ELAVL4: variants seen among roughly 807,000 people sequenced by gnomAD.
ELAVL4 encodes ELAV-like protein 4.
In ELAVL4, 1 loss-of-function variant was observed where a neutral mutation model predicts 35.6. The observed-to-expected ratio is 0.03, with a 90% CI of 0.01 to 0.13. The LOEUF is 0.13. Ranked by LOEUF, ELAVL4 falls within the 10% of genes least tolerant of loss-of-function variation. ELAVL4 has a pLI of 1.00. For synonymous variants in ELAVL4, 156 were observed against 171.0 expected (o/e 0.91, Z 0.69); for missense variants, 267 against 464.9 (o/e 0.57, Z 3.91).
intron 1 of ELAVL4, among the ~76,000 whole-genome samples, chr1:50,121,960 G>A (rs1669116926): frequency 6.6e-6 from 1 of 152,066 alleles, no homozygotes; most frequent in Non-Finnish European, 1.5e-5. Context: ...AATAAGATTA[G>A]TTTTCATTTC....
chr1:50,156,913 AG>A (rs1373638658), intron 2 of ELAVL4, among the ~76,000 whole-genome samples: 7 of 152,200 alleles, frequency 4.6e-5, no homozygotes, highest in African/African-American at 1.7e-4. Context: ...CACCAATTTC[AG>A]TGGTTCTGGA....
intron 1 of ELAVL4, among the ~76,000 whole-genome samples, chr1:50,140,317 A>G (rs1672609435): frequency 6.6e-6 from 1 of 152,242 alleles, no homozygotes; most frequent in African/African-American, 2.4e-5. Flanking sequence ...TGAGGAAGCA[A>G]GTGTTCTGAT....
chr1:50,131,669 A>C (rs1670877086), intron 1 of ELAVL4, among the ~76,000 whole-genome samples: 1 of 152,116 alleles, frequency 6.6e-6, no homozygotes, highest in East Asian at 1.9e-4. Context: ...GCATGCCTGT[A>C]GTCCCAGTTA....
At chr1:50,086,476 T>TTATATATATATATATATATATATA (rs35215248) in intron 1 of ELAVL4, among the ~76,000 whole-genome samples, 1 of 144,376 alleles carries the variant, frequency 6.9e-6, no homozygotes, top group African/African-American at 2.5e-5. Context: ...CATTCAGCTT[T>TTATATATATATATATATATATATA]TATATATATA....
At chr1:50,133,611 G>GAAAGAAAGA (rs1671294974) in intron 1 of ELAVL4, among the ~76,000 whole-genome samples, 1 of 131,490 alleles carries the variant, frequency 7.6e-6, no homozygotes, top group Admixed American at 7.5e-5. Flanking sequence ...AAGAAAGAAA[G>GAAAGAAAGA]AAAGAAAGAA....
intron 3 of ELAVL4, among the ~76,000 whole-genome samples, chr1:50,185,155 A>G (rs939776407): frequency 7.2e-5 from 11 of 152,166 alleles, no homozygotes; most frequent in African/African-American, 2.7e-4. Context: ...TCATTTCTCC[A>G]TGGTGCTCCT....
intron 2 of ELAVL4, among the ~76,000 whole-genome samples, chr1:50,170,277 A>G (rs1678757858): frequency 1.3e-5 from 2 of 152,316 alleles, no homozygotes; most frequent in Middle Eastern, 3.4e-3. Context: ...GAAAAAAGTA[A>G]TATTAGCCCC....
chr1:50,151,708 A>G (rs1674820480), intron 2 of ELAVL4, among the ~76,000 whole-genome samples: 1 of 152,236 alleles, frequency 6.6e-6, no homozygotes, highest in African/African-American at 2.4e-5. Flanking sequence ...AATGTGATGT[A>G]TCTCCTGATT....
upstream of ELAVL4, among the ~76,000 whole-genome samples, chr1:50,101,958 G>A (rs1231446027): frequency 1.3e-5 from 2 of 152,106 alleles, no homozygotes; most frequent in Non-Finnish European, 2.9e-5. Context: ...GTAGACTCCC[G>A]GTAAAATATA....
chr1:50,137,640 T>C (rs901523534), intron 1 of ELAVL4, among the ~76,000 whole-genome samples: 1 of 152,164 alleles, frequency 6.6e-6, no homozygotes, highest in Admixed American at 6.5e-5. Flanking sequence ...ACTTCAAAGA[T>C]TTTCCTAGTC....
chr1:50,156,875 C>A (rs1675859934), intron 2 of ELAVL4, among the ~76,000 whole-genome samples: 1 of 152,130 alleles, frequency 6.6e-6, no homozygotes, highest in Non-Finnish European at 1.5e-5. Flanking sequence ...TTCCAGTAAA[C>A]CTCAGGAATA....
At position 50,202,845 on chromosome 1, in the gene ELAVL4, T is replaced by C. The variant is rs977166055; in HGVS notation, c.*1667T>C. 6.6e-5 allele frequency: 10 copies of C among 152,180 alleles called. No homozygotes were observed. The highest frequency in any genetic ancestry group is 1.3e-4 in the Non-Finnish European group (9 of 68,022). 9.4% of individuals were successfully genotyped at this position (152,180 alleles called of 1,614,324 possible). A position where few individuals can be genotyped will look rare whatever the true frequency, so the allele number is the denominator to read the frequency against. ...ATTCTTTGATATATTGTCATGTTTG[T>C]TGTGAATATTTTTTCTTACTGCACA... On this transcript the variant is annotated 3_prime_UTR_variant, in exon 7 of 7. Transcript: ENST00000371824.
intron 2 of ELAVL4, among the ~76,000 whole-genome samples, 165 bp from the exon 3 acceptor site, chr1:50,176,924 G>A (rs530729001): frequency 6.6e-6 from 1 of 152,180 alleles, no homozygotes; most frequent in Non-Finnish European, 1.5e-5. Context: ...TCTCAATCTG[G>A]GGGTAAACCC....
intron 2 of ELAVL4, among the ~76,000 whole-genome samples, chr1:50,145,937 A>G (rs955952903): frequency 2.0e-5 from 3 of 152,186 alleles, no homozygotes; most frequent in African/African-American, 7.2e-5. Context: ...CACTGACACT[A>G]TAATTCTTTG....
intron 1 of ELAVL4, among the ~76,000 whole-genome samples, chr1:50,141,273 G>A (rs1672769979): frequency 6.6e-6 from 1 of 152,180 alleles, no homozygotes; most frequent in Non-Finnish European, 1.5e-5. Context: ...TATTTTCTAG[G>A]TGTTTGTTGG....
intron 1 of ELAVL4, among the ~76,000 whole-genome samples, chr1:50,070,513 C>T (rs367726257): frequency 1.2e-4 from 19 of 152,204 alleles, no homozygotes; most frequent in African/African-American, 1.7e-4. Context: ...GAGGCCAAGG[C>T]GGGCGGATCA....
In ELAVL4 at chr1:50,195,542, G is replaced by T. The variant is rs201654470; in HGVS notation, c.509-19G>T. 5 of 1,612,870 alleles carry T rather than the reference G, an allele frequency of 3.1e-6. No individual in the cohort carries two copies. Among genetic ancestry groups the T allele is most frequent in the Admixed American group, 3.3e-5 (2 of 59,996 alleles). On this transcript the variant is annotated intron_variant, in intron 4 of 6. Transcript: ENST00000371824. ...TTTGGTGTGTTCACTCTTTACAAAG[G>T]CTCTTTCTCTTTCCCCAGGAGTGTC...
intron 1 of ELAVL4, among the ~76,000 whole-genome samples, chr1:50,096,436 G>T (rs1665719879): frequency 1.3e-5 from 2 of 149,904 alleles, no homozygotes; most frequent in South Asian, 4.3e-4. Flanking sequence ...GACAAGTGTT[G>T]TGAGAGAATA....
chr1:50,087,355 C>G (rs912117854), intron 1 of ELAVL4, among the ~76,000 whole-genome samples: 3 of 152,206 alleles, frequency 2.0e-5, no homozygotes, highest in African/African-American at 7.2e-5. Context: ...CTGTTCATGT[C>G]TTCCACTCTA....
Sources: allele counts gnomAD v4.1 joint callset (sites outside exome capture counted in the v4.1 genomes callset), GRCh38; gene constraint gnomAD v4.1.1; transcripts MANE v1.5; gene names NCBI Gene and HGNC (gene_info 2026-07-23, HGNC 2026-07-21).